Variants in SGK1 observed in about 807,000 individuals in gnomAD.
The protein encoded by SGK1 is serum/glucocorticoid regulated kinase 1.
Under a neutral mutation model 64.2 loss-of-function variants are expected in SGK1, and 26 were observed. The ratio of observed to expected loss-of-function variants is 0.40; its 90% confidence interval spans 0.30 to 0.56. The LOEUF (loss-of-function observed/expected upper bound fraction) is 0.56. SGK1 is among the 20% of genes least tolerant of loss of function. SGK1 has a pLI of 0.38. For missense variants in SGK1, 519 were observed against 645.6 expected (o/e 0.80, Z 2.12); for synonymous variants, 265 against 239.7 (o/e 1.11, Z -0.98).
At chr6:134,286,815 G>T (rs546746181) in intron 1 of SGK1, among the ~76,000 whole-genome samples, 1 of 152,182 alleles carries the variant, frequency 6.6e-6, no homozygotes, top group East Asian at 1.9e-4. Context: ...TCTGGTTATA[G>T]GTTATAGAAG....
chr6:134,308,136 T>C (rs1777561286), intron 1 of SGK1, among the ~76,000 whole-genome samples: 1 of 152,236 alleles, frequency 6.6e-6, no homozygotes, highest in African/African-American at 2.4e-5. Flanking sequence ...ATCGTTTTTT[T>C]CCTGTAATTT....
intron 3 of SGK1, among the ~76,000 whole-genome samples, chr6:134,189,560 T>C (rs897069491): frequency 1.3e-5 from 2 of 152,220 alleles, no homozygotes; most frequent in African/African-American, 4.8e-5. Flanking sequence ...GAGCAAATGA[T>C]TGTGCCAAAT....
At chr6:134,293,496 T>C (rs558971603) in intron 1 of SGK1, among the ~76,000 whole-genome samples, 3 of 152,268 alleles carry the variant, frequency 2.0e-5, no homozygotes, top group South Asian at 2.1e-4. Context: ...ATTGTGTAGA[T>C]AAAACTTTGA....
chr6:134,209,994 G>A (rs1459630861), intron 2 of SGK1, among the ~76,000 whole-genome samples: 1 of 152,112 alleles, frequency 6.6e-6, no homozygotes, highest in Non-Finnish European at 1.5e-5. Flanking sequence ...CTCTATTGAC[G>A]AAGGAAGCAG....
chr6:134,298,160 GT>G, intron 1 of SGK1: 6 of 1,326,448 alleles, frequency 4.5e-6, no homozygotes, highest in Non-Finnish European at 5.4e-6. Flanking sequence ...CTCCATCTCT[GT>G]AAGCTTATTG....
At chr6:134,242,206 C>G (rs1422290796) in intron 2 of SGK1, among the ~76,000 whole-genome samples, 1 of 152,072 alleles carries the variant, frequency 6.6e-6, no homozygotes, top group Non-Finnish European at 1.5e-5. Context: ...AGGAATAAGG[C>G]TGGGCGCGGT....
At chr6:134,187,391 A>AG (rs993085948) in intron 3 of SGK1, among the ~76,000 whole-genome samples, 2 of 152,172 alleles carry the variant, frequency 1.3e-5, no homozygotes, top group African/African-American at 4.8e-5. Context: ...ATGGGTCACT[A>AG]GGGGGAATAG....
intron 11 of SGK1, 66 bp from the exon 12 acceptor site, chr6:134,171,244 A>G: frequency 7.0e-7 from 1 of 1,428,570 alleles, no homozygotes. Context: ...TTACCAGTAG[A>G]GAAAAAGATA....
intron 2 of SGK1, among the ~76,000 whole-genome samples, chr6:134,220,185 G>T (rs931089725): frequency 1.3e-5 from 2 of 151,886 alleles, no homozygotes. Flanking sequence ...CAGAGAAAAG[G>T]TAATCAATGC....
rs559337414 is a variant in SGK1, at chr6:134,298,468, T to A, written c.69+18924A>T. ...TGGATGTTGGGATCCACCTCCAGAT[T>A]AAGTGGGCTCAGCAGGCTCTGGTTG... On this transcript the variant is annotated intron_variant, in intron 1 of 13. Transcript: ENST00000367858. 18 of 828,192 alleles carry A rather than the reference T, an allele frequency of 2.2e-5. No individual in the cohort carries two copies. The Admixed American group carries it at 3.1e-4, about 14-fold the overall frequency. The allele number at this position is 828,192 out of a possible 1,614,324, so 51.3% of individuals were successfully genotyped here. A position where few individuals can be genotyped will look rare whatever the true frequency, so the allele number is the denominator to read the frequency against.
chr6:134,173,776 T>A (rs1775116350), intron 5 of SGK1: 3 of 584,158 alleles, frequency 5.1e-6, no homozygotes, highest in Non-Finnish European at 8.9e-6. Context: ...AACCTTTTTA[T>A]GAAATATGCC....
chr6:134,201,504 G>A (rs778007310), intron 3 of SGK1, among the ~76,000 whole-genome samples: 1 of 152,058 alleles, frequency 6.6e-6, no homozygotes. Context: ...TGGGATTACA[G>A]GCAGACACCA....
rs769616823 is a variant in SGK1, at chr6:134,174,085, A to C, written c.438-5T>G. ...AAGATGGACTGAACTTCAGGGCTGCAGGGAATAAAGGGCACGATTTAGAAT... is the reference window on the plus strand; with the variant it reads ...AAGATGGACTGAACTTCAGGGCTGCCGGGAATAAAGGGCACGATTTAGAAT... On this transcript the variant is annotated splice_region_variant and splice_polypyrimidine_tract_variant and intron_variant, in intron 4 of 13. Transcript: ENST00000367858. 1 of 1,609,326 alleles carries C rather than the reference A, an allele frequency of 6.2e-7. No individual in the cohort carries two copies. Among genetic ancestry groups the C allele is most frequent in the East Asian group, 2.2e-5 (1 of 44,818 alleles).
intron 1 of SGK1, chr6:134,296,958 C>T (rs957797729): frequency 3.6e-5 from 15 of 413,282 alleles, no homozygotes; most frequent in East Asian, 2.9e-4. Context: ...CTGGGGCAGC[C>T]GCAAGAGGGG....
intron 3 of SGK1, among the ~76,000 whole-genome samples, chr6:134,198,650 TAAACTA>T (rs1162359096): frequency 3.3e-5 from 5 of 151,454 alleles, no homozygotes; most frequent in Admixed American, 3.3e-4. Context: ...ATTTGGTACA[TAAACTA>T]TTACTGCTCC....
Position 134,197,868 on chromosome 6 carries a change from A to T in SGK1, c.361+9488T>A, listed in dbSNP as rs12201006. ...TAAAATAAAATAAAATTAAATTAAA[A>T]TAAAATAAAATATAAAATAAAATAA... On this transcript the variant is annotated intron_variant, in intron 3 of 13. Transcript: ENST00000367858. 4.3e-4 allele frequency among the ~76,000 whole-genome samples: 48 copies of T among 111,982 alleles called. 1 individual carries two copies. The highest frequency in any genetic ancestry group is 8.1e-4 in the African/African-American group (24 of 29,618). The allele number at this position is 111,982 out of a possible 152,430, so 73.5% of individuals were successfully genotyped here. A position where few individuals can be genotyped will look rare whatever the true frequency, so the allele number is the denominator to read the frequency against.
At chr6:134,300,462 C>T (rs1421754638) in intron 1 of SGK1, among the ~76,000 whole-genome samples, 12 of 146,474 alleles carry the variant, frequency 8.2e-5, no homozygotes, top group Non-Finnish European at 1.3e-4. Context: ...GGCATGAACC[C>T]GGGAGGCGGA....
At chr6:134,207,228 G>GAAAAACA (rs922234909) in intron 3 of SGK1, 128 bp downstream of exon 3, 2 of 663,138 alleles carry the variant, frequency 3.0e-6, no homozygotes, top group African/African-American at 1.8e-5. Flanking sequence ...TCTGTCTCAA[G>GAAAAACA]AAAAACAAAA....
At chr6:134,241,264 T>C (rs934578730) in intron 2 of SGK1, among the ~76,000 whole-genome samples, 6 of 151,956 alleles carry the variant, frequency 3.9e-5, no homozygotes, top group African/African-American at 1.5e-4. Context: ...TGCCCAGGCT[T>C]CTCTTGAACT....
Sources: gnomAD v4.1 joint callset for allele counts (sites outside exome capture counted in the v4.1 genomes callset) on GRCh38, gnomAD v4.1.1 for gene constraint, MANE v1.5 for transcripts, NCBI Gene and HGNC (gene_info 2026-07-23, HGNC 2026-07-21) for gene names.